GNAT3: variants seen among roughly 807,000 people sequenced by gnomAD.
GNAT3 encodes guanine nucleotide-binding protein G(t) subunit alpha-3.
Under a neutral mutation model 37.7 loss-of-function variants are expected in GNAT3, and 31 were observed. That is an observed-to-expected ratio of 0.82 (90% CI 0.62 to 1.11). GNAT3 has a LOEUF of 1.11. GNAT3 is among the 50% of genes most tolerant of loss of function. GNAT3 has a pLI of 0.00. For synonymous variants in GNAT3, 138 were observed against 139.8 expected, an observed-to-expected ratio of 0.99 and a Z score of 0.09; for missense variants, 437 against 412.5, an observed-to-expected ratio of 1.06 and a Z score of -0.51.
chr7:80,461,308 G>T (rs1269986191), intron 7 of GNAT3, among the ~76,000 whole-genome samples: 1 of 152,014 alleles, frequency 6.6e-6, no homozygotes, highest in Non-Finnish European at 1.5e-5. Flanking sequence ...AGCACTTTGG[G>T]ACGCCAAGGT....
chr7:80,501,614 G>A (rs980920167), intron 1 of GNAT3, among the ~76,000 whole-genome samples: 4 of 151,244 alleles, frequency 2.6e-5, no homozygotes, highest in South Asian at 2.1e-4. Context: ...TTCTTTTGTC[G>A]TTATGCTTTT....
In GNAT3 at chr7:80,510,250, G is replaced by T. The variant is rs866856472; in HGVS notation, c.118+1559C>A. 2.0e-5 allele frequency among the ~76,000 whole-genome samples: 3 copies of T among 151,890 alleles called. No individual in the cohort carries two copies. The South Asian group carries it at 6.2e-4, about 32-fold the overall frequency. On this transcript the variant is annotated intron_variant, in intron 1 of 7. Transcript: ENST00000398291. The stretch of plus-strand genomic sequence containing the variant: ...GCTTATCTCAAGAGTCATTGCTTTT[G>T]GCATGTTTAATAGTTTTTGTCTTAG...
intron 1 of GNAT3, among the ~76,000 whole-genome samples, chr7:80,501,708 G>A (rs950447830): frequency 2.6e-5 from 4 of 151,720 alleles, no homozygotes; most frequent in African/African-American, 7.2e-5. Context: ...TAAAGTCTAA[G>A]ACAATTTTCT....
chr7:80,474,091 A>G (rs1790263404), intron 5 of GNAT3, among the ~76,000 whole-genome samples, 160 bp downstream of exon 5: 2 of 152,156 alleles, frequency 1.3e-5, no homozygotes, highest in Non-Finnish European at 2.9e-5. Context: ...GAGAGGCTAT[A>G]GAAGGACAGT....
intron 5 of GNAT3, among the ~76,000 whole-genome samples, chr7:80,467,835 A>T (rs1790150437): frequency 6.6e-6 from 1 of 151,908 alleles, no homozygotes; most frequent in Non-Finnish European, 1.5e-5. Flanking sequence ...ATGCTTGAAT[A>T]CTCTTAACTC....
intron 1 of GNAT3, among the ~76,000 whole-genome samples, chr7:80,507,070 G>A (rs1381892690): frequency 6.6e-6 from 1 of 152,052 alleles, no homozygotes; most frequent in East Asian, 1.9e-4. Flanking sequence ...ACATTATTGG[G>A]AATTTGTTTT....
At chr7:80,506,976 T>C (rs1182913412) in intron 1 of GNAT3, among the ~76,000 whole-genome samples, 3 of 152,038 alleles carry the variant, frequency 2.0e-5, no homozygotes, top group Non-Finnish European at 2.9e-5. Context: ...TTTATAAATA[T>C]GTTTAAAATA....
At chr7:80,474,432 T>C (rs1447612488) in intron 4 of GNAT3, 53 bp from the exon 5 acceptor site, 5 of 762,462 alleles carry the variant, frequency 6.6e-6, no homozygotes, top group Non-Finnish European at 1.1e-5. Flanking sequence ...CATAAATACA[T>C]ACATATATGT....
chr7:80,476,748 T>C (rs1281507743), intron 4 of GNAT3, among the ~76,000 whole-genome samples: 3 of 151,988 alleles, frequency 2.0e-5, no homozygotes, highest in Non-Finnish European at 4.4e-5. Context: ...AGTTTTCTAA[T>C]GTAATTCAGT....
chr7:80,462,701 T>G (rs1326632870), intron 5 of GNAT3, 70 bp from the exon 6 acceptor site: 1 of 1,277,858 alleles, frequency 7.8e-7, no homozygotes, highest in Non-Finnish European at 1.1e-6. Context: ...AGGTTAACAT[T>G]TAGAGGTATA....
chr7:80,459,369 A>T (rs1790011296), intron 7 of GNAT3, among the ~76,000 whole-genome samples: 1 of 152,196 alleles, frequency 6.6e-6, no homozygotes, highest in Non-Finnish European at 1.5e-5. Context: ...GCTTTGAAGA[A>T]TCTACTTCGA....
At position 80,462,262 on chromosome 7, in the gene GNAT3, C is replaced by T. The variant is rs141648872; in HGVS notation, c.771G>A (p.Lys257=). ...GGACAATGGAGGTTGTTGAAAAATA[C>T]TTGTGATTACAGATACTGTTGAACA... ...LHLFNSICNH[K]YFSTTSIVLF... The change falls in exon 7 of 8, where the codon AAG becomes AAA. Residue 257 remains lysine, a synonymous_variant. Transcript: ENST00000398291. 2.9e-4 allele frequency: 466 copies of T among 1,612,578 alleles called. No individual in the cohort carries two copies. The African/African-American group carries it at 3.4e-3, about 12-fold the overall frequency.
chr7:80,481,850 A>G (rs1397064720), intron 3 of GNAT3, among the ~76,000 whole-genome samples: 1 of 152,182 alleles, frequency 6.6e-6, no homozygotes, highest in Non-Finnish European at 1.5e-5. Flanking sequence ...AGGCCTTTAG[A>G]CAATAACTTA....
chr7:80,497,413 A>T (rs896009888), intron 1 of GNAT3, among the ~76,000 whole-genome samples: 1 of 151,994 alleles, frequency 6.6e-6, no homozygotes, highest in Admixed American at 6.6e-5. Context: ...ATACAATAAT[A>T]TTATAAAACT....
intron 3 of GNAT3, among the ~76,000 whole-genome samples, chr7:80,479,752 A>T (rs549485437): frequency 4.6e-5 from 7 of 151,890 alleles, no homozygotes; most frequent in Admixed American, 1.3e-4. Context: ...AATGGAAATA[A>T]ATTCATTATT....
chr7:80,471,988 A>G (rs984885525), intron 5 of GNAT3, among the ~76,000 whole-genome samples: 3 of 152,030 alleles, frequency 2.0e-5, no homozygotes, highest in African/African-American at 7.2e-5. Flanking sequence ...TTCTTACTCT[A>G]TGCTAGCCAC....
At chr7:80,498,524 C>A (rs1321634720) in intron 1 of GNAT3, among the ~76,000 whole-genome samples, 2 of 152,092 alleles carry the variant, frequency 1.3e-5, no homozygotes, top group Non-Finnish European at 1.5e-5. Flanking sequence ...CTTAAAATCT[C>A]ATTTATTATT....
rs1791074607 is a variant in GNAT3, at chr7:80,511,922, C to T, written c.5G>A (p.Gly2Glu). The T allele has an allele frequency of 6.2e-7, 1 of 1,602,512 alleles. No homozygotes were observed. The highest frequency in any genetic ancestry group is 8.5e-7 in the Non-Finnish European group (1 of 1,170,766). The change falls in exon 1 of 8, where the codon GGA becomes GAA. Residue 2 changes from glycine to glutamate, a missense_variant. By Grantham distance (98) the Gly-to-Glu change is moderately conservative. Transcript: ENST00000398291. Reference sequence around the variant, plus strand: ...CTTGCTCTCTGAACTAATTCCACTTCCCATCTTGTGGTGGTAGATACTTGT... The same window carrying T: ...CTTGCTCTCTGAACTAATTCCACTTTCCATCTTGTGGTGGTAGATACTTGT... MGSGISSESKES... is the reference protein window; with the variant it reads MESGISSESKES...
chr7:80,491,593 C>T (rs1382461934), intron 2 of GNAT3, among the ~76,000 whole-genome samples: 3 of 151,960 alleles, frequency 2.0e-5, no homozygotes, highest in Non-Finnish European at 4.4e-5. Flanking sequence ...TTAGACGAAC[C>T]GGGAAAGAGT....
Sources: gnomAD v4.1 joint callset for allele counts (sites outside exome capture counted in the v4.1 genomes callset) on GRCh38, gnomAD v4.1.1 for gene constraint, MANE v1.5 for transcripts, NCBI Gene and HGNC (gene_info 2026-07-23, HGNC 2026-07-21) for gene names.